DNAAF1: variants seen among roughly 807,000 people sequenced by gnomAD.
The protein encoded by DNAAF1 is dynein assembly factor 1, axonemal.
DNAAF1 carries 65 observed loss-of-function variants against 71.1 expected under a neutral mutation model. That is an observed-to-expected ratio of 0.91 (90% CI 0.75 to 1.12). The LOEUF is 1.12. Ranked by LOEUF, DNAAF1 falls within the 50% of genes most tolerant of loss-of-function variation. The pLI is 0.00. For synonymous variants in DNAAF1, 414 were observed against 354.6 expected, an observed-to-expected ratio of 1.17 and a Z score of -1.88; for missense variants, 1,178 against 899.8, an observed-to-expected ratio of 1.31 and a Z score of -3.96.
At chr16:84,168,537 C>T (rs2088144340) in intron 7 of DNAAF1, among the ~76,000 whole-genome samples, 2 of 152,270 alleles carry the variant, frequency 1.3e-5, no homozygotes, top group South Asian at 4.2e-4. Context: ...CTCGGCCTCC[C>T]AAAGTGCTGG....
intron 4 of DNAAF1, 109 bp from the exon 5 acceptor site, chr16:84,155,474 C>A: frequency 8.0e-7 from 1 of 1,256,934 alleles, no homozygotes; most frequent in South Asian, 1.2e-5. Flanking sequence ...GAAAGATTCT[C>A]CCGCTTTAGC....
chr16:84,153,173 A>G (rs2087261926), intron 3 of DNAAF1, among the ~76,000 whole-genome samples: 1 of 152,168 alleles, frequency 6.6e-6, no homozygotes, highest in African/African-American at 2.4e-5. Context: ...TCTTTTATAG[A>G]TACTGACTTC....
intron 9 of DNAAF1, chr16:84,173,080 A>C (rs1177224921): frequency 1.0e-6 from 1 of 986,806 alleles, no homozygotes; most frequent in Non-Finnish European, 1.2e-6. Context: ...TACCTTGGAG[A>C]GGTGGTCCCC....
intron 7 of DNAAF1, among the ~76,000 whole-genome samples, chr16:84,168,027 AAAAC>A (rs2088118035): frequency 6.6e-6 from 1 of 152,060 alleles, no homozygotes. Context: ...CAAAAAAAAA[AAAAC>A]CCCACAAATC....
At chr16:84,173,484 A>C in intron 9 of DNAAF1, 2 of 984,136 alleles carry the variant, frequency 2.0e-6, no homozygotes, top group Non-Finnish European at 2.4e-6. Flanking sequence ...AAAAGAGTTA[A>C]AGTGATCACG....
intron 1 of DNAAF1, among the ~76,000 whole-genome samples, chr16:84,147,763 A>G (rs2086980511): frequency 6.6e-6 from 1 of 152,092 alleles, no homozygotes; most frequent in Non-Finnish European, 1.5e-5. Context: ...CCCCCCCCAA[A>G]AAAAAAATAA....
chr16:84,158,620 C>T (rs1183357035), intron 5 of DNAAF1, among the ~76,000 whole-genome samples: 2 of 152,218 alleles, frequency 1.3e-5, no homozygotes, highest in Non-Finnish European at 2.9e-5. Flanking sequence ...ATCCTCCCAA[C>T]ACCGTTTACC....
At chr16:84,149,560 G>C (rs936882079) in intron 2 of DNAAF1, among the ~76,000 whole-genome samples, 1 of 151,166 alleles carries the variant, frequency 6.6e-6, no homozygotes, top group Non-Finnish European at 1.5e-5. Context: ...GCGTAGTGGC[G>C]GGCACCTGTA....
At chr16:84,156,851 C>CTTTTTTTTTTTTTTTTTTT (rs778916785) in intron 5 of DNAAF1, among the ~76,000 whole-genome samples, 8 of 111,808 alleles carry the variant, frequency 7.2e-5, no homozygotes, top group African/African-American at 1.1e-4. Context: ...TTCTTTCTTT[C>CTTTTTTTTTTTTTTTTTTT]TTTTTTTTTT....
chr16:84,177,762 C>G lies in DNAAF1; in HGVS notation c.2099C>G (p.Thr700Arg). 1 of 1,614,028 alleles carries G rather than the reference C, an allele frequency of 6.2e-7. No homozygotes were observed. The highest frequency in any genetic ancestry group is 8.5e-7 in the Non-Finnish European group (1 of 1,179,968). ...GAGAGCGCCGCCACACCCCCAGAGA[C>G]GTGTGTCGGAGTTGCCCAGCCCAGC... ...PTESAATPPE[T>R]CVGVAQPSQA... The change falls in exon 12 of 12, where the codon ACG becomes AGG. Residue 700 changes from threonine to arginine, a missense_variant. Physicochemically the swap from Thr to Arg is moderately conservative, Grantham distance 71. Transcript: ENST00000378553.
chr16:84,147,651 C>G (rs1359091827), intron 1 of DNAAF1, among the ~76,000 whole-genome samples: 6 of 150,826 alleles, frequency 4.0e-5, no homozygotes, highest in Non-Finnish European at 8.9e-5. Flanking sequence ...GACAAAAGAA[C>G]AAAGAACATT....
At chr16:84,150,598 T>A (rs935235617) in intron 3 of DNAAF1, among the ~76,000 whole-genome samples, 1 of 146,206 alleles carries the variant, frequency 6.8e-6, no homozygotes, top group African/African-American at 2.7e-5. Context: ...TCCTAAGGAA[T>A]TTTTTTTTCT....
intron 7 of DNAAF1, 116 bp downstream of exon 7, chr16:84,166,065 A>C (rs1472283393): frequency 1.3e-6 from 1 of 748,392 alleles, no homozygotes; most frequent in African/African-American, 2.8e-5. Flanking sequence ...TTTTTTTTTT[A>C]GACAGAGTCT....
At chr16:84,155,065 C>T (rs1454413818) in intron 4 of DNAAF1, among the ~76,000 whole-genome samples, 1 of 152,118 alleles carries the variant, frequency 6.6e-6, no homozygotes, top group Non-Finnish European at 1.5e-5. Context: ...CCCACCACCA[C>T]ACCTGGCTAA....
chr16:84,169,885 G>A lies in DNAAF1; in HGVS notation c.1057G>A (p.Glu353Lys), dbSNP rs2088231966. The A allele has an allele frequency of 1.2e-6, 2 of 1,613,920 alleles. No individual in the cohort carries two copies. Among genetic ancestry groups the A allele is most frequent in the East Asian group, 2.2e-5 (1 of 44,892 alleles). Residue 353 changes from glutamate (E) to lysine (K), a missense_variant, in exon 8 of 12, where the codon GAG (glutamate) becomes AAG (lysine). Coordinates refer to ENST00000378553, the MANE Select transcript of DNAAF1 (RefSeq NM_178452.6). ...GGAGATGACATCTTCAGATGATGGT[G>A]AGAATGTGCCCGCCAGTGCGGAAGG... is the stretch of plus-strand genomic sequence containing the variant. ...RGEMTSSDDG[E>K]NVPASAEGKE...
chr16:84,146,385 T>C (rs1436640371), intron 1 of DNAAF1, among the ~76,000 whole-genome samples: 1 of 152,092 alleles, frequency 6.6e-6, no homozygotes, highest in Non-Finnish European at 1.5e-5. Context: ...GGTCAGTGTG[T>C]GATCCCCTCA....
At position 84,172,501 on chromosome 16, in the gene DNAAF1, T is replaced by C. The variant is rs2088417276; in HGVS notation, c.1644+126T>C. ...GTCCTTGGGCCGGCAGGCCTGGCAT[T>C]TCTGGGGCGCTGGTTAGAAATGCAG... On this transcript the variant is annotated intron_variant, in intron 9 of 11. Coordinates refer to ENST00000378553, the MANE Select transcript of DNAAF1 (RefSeq NM_178452.6). 6 of 1,514,600 alleles carry C rather than the reference T, an allele frequency of 4.0e-6. No homozygotes were observed. The East Asian group carries it at 1.5e-4, about 38-fold the overall frequency. 93.8% of individuals were successfully genotyped at this position (1,514,600 alleles called of 1,614,324 possible). A position where few individuals can be genotyped will look rare whatever the true frequency, so the allele number is the denominator to read the frequency against.
intron 7 of DNAAF1, among the ~76,000 whole-genome samples, chr16:84,167,159 TC>T (rs2088055721): frequency 6.6e-6 from 1 of 152,076 alleles, no homozygotes; most frequent in Non-Finnish European, 1.5e-5. Flanking sequence ...CTCACAGAAC[TC>T]CAGAGAACAC....
In DNAAF1 at chr16:84,159,702, G is replaced by C. The variant is rs1222641693; in HGVS notation, c.769G>C (p.Val257Leu). 3.1e-6 allele frequency: 5 copies of C among 1,613,818 alleles called. No homozygotes were observed. Among genetic ancestry groups the C allele is most frequent in the Non-Finnish European group, 4.2e-6 (5 of 1,179,822 alleles). Residue 257 changes from valine to leucine, a missense_variant, in exon 6 of 12, where the codon GTT becomes CTT. Coordinates refer to ENST00000378553, the MANE Select transcript of DNAAF1 (RefSeq NM_178452.6). ...TGTACTGAATTTGATGGGAAACCCGGTTATCAGACAGATTCCTAATTACAG... is the reference window on the plus strand; with the variant it reads ...TGTACTGAATTTGATGGGAAACCCGCTTATCAGACAGATTCCTAATTACAG... ...LRVLNLMGNP[V>L]IRQIPNYRRT...
Sources: gnomAD v4.1 joint callset for allele counts (sites outside exome capture counted in the v4.1 genomes callset) on GRCh38, gnomAD v4.1.1 for gene constraint, MANE v1.5 for transcripts, NCBI Gene and HGNC (gene_info 2026-07-23, HGNC 2026-07-21) for gene names.